Variants in IMMP2L observed in about 807,000 individuals in gnomAD.
IMMP2L encodes the protein mitochondrial inner membrane protease subunit 2.
IMMP2L carries 18 observed loss-of-function variants against 19.3 expected under a neutral mutation model. The observed-to-expected ratio is 0.93, with a 90% CI of 0.64 to 1.38. IMMP2L has a LOEUF of 1.38. Ranked by LOEUF, IMMP2L falls within the 40% of genes most tolerant of loss-of-function variation. The pLI is 0.00. For synonymous variants in IMMP2L, 76 were observed against 73.0 expected (o/e 1.04, Z -0.21); for missense variants, 233 against 218.2 (o/e 1.07, Z -0.43).
At chr7:110,928,551 C>A (rs1313165639) in intron 4 of IMMP2L, among the ~76,000 whole-genome samples, 1 of 148,402 alleles carries the variant, frequency 6.7e-6, no homozygotes, top group Admixed American at 6.7e-5. Context: ...CAGAACCTCA[C>A]AGAGACACCC....
intron 4 of IMMP2L, among the ~76,000 whole-genome samples, chr7:110,958,695 C>G (rs1364796441): frequency 6.6e-6 from 1 of 151,992 alleles, no homozygotes; most frequent in Non-Finnish European, 1.5e-5. Flanking sequence ...GGAAGGATGC[C>G]TACCCCAAAG....
intron 3 of IMMP2L, among the ~76,000 whole-genome samples, chr7:111,131,731 T>C (rs1301314781): frequency 6.6e-6 from 1 of 152,014 alleles, no homozygotes; most frequent in African/African-American, 2.4e-5. Flanking sequence ...ATGAAATTTC[T>C]TTGAGTTCAG....
chr7:111,214,622 G>A (rs1368380516), intron 3 of IMMP2L, among the ~76,000 whole-genome samples: 1 of 149,788 alleles, frequency 6.7e-6, no homozygotes, highest in Non-Finnish European at 1.5e-5. Flanking sequence ...CAAAGTGCAG[G>A]GATTACAGGT....
chr7:111,082,815 A>G (rs1795991446), intron 3 of IMMP2L, among the ~76,000 whole-genome samples: 1 of 151,278 alleles, frequency 6.6e-6, no homozygotes, highest in Non-Finnish European at 1.5e-5. Context: ...CATTTTCTGC[A>G]TCATGTCTAT....
intron 3 of IMMP2L, among the ~76,000 whole-genome samples, chr7:111,380,714 G>A (rs1424407822): frequency 6.6e-6 from 1 of 151,980 alleles, no homozygotes; most frequent in Non-Finnish European, 1.5e-5. Context: ...GAGTTTGAGA[G>A]AGAAAAATTA....
chr7:110,853,907 A>C (rs2131546379), intron 5 of IMMP2L, among the ~76,000 whole-genome samples: 1 of 152,146 alleles, frequency 6.6e-6, no homozygotes, highest in African/African-American at 2.4e-5. Flanking sequence ...TGATAGCCAA[A>C]GAAATGACAG....
At chr7:110,767,433 T>C (rs965519654) in intron 5 of IMMP2L, among the ~76,000 whole-genome samples, 6 of 152,178 alleles carry the variant, frequency 3.9e-5, no homozygotes, top group African/African-American at 1.4e-4. Flanking sequence ...ACGTTAACTC[T>C]CTCCTAGTGT....
intron 3 of IMMP2L, among the ~76,000 whole-genome samples, chr7:111,173,498 A>G (rs1292862305): frequency 1.3e-5 from 2 of 151,622 alleles, no homozygotes; most frequent in African/African-American, 4.8e-5. Flanking sequence ...AAGGAGAAAC[A>G]CTGTTATGAG....
chr7:111,159,657 T>A (rs1442814192), intron 3 of IMMP2L, among the ~76,000 whole-genome samples: 1 of 152,114 alleles, frequency 6.6e-6, no homozygotes, highest in Non-Finnish European at 1.5e-5. Flanking sequence ...TTTACCAATT[T>A]GTCATGAAGG....
At chr7:111,281,156 CAGA>C (rs1819707950) in intron 3 of IMMP2L, among the ~76,000 whole-genome samples, 4 of 67,814 alleles carry the variant, frequency 5.9e-5, no homozygotes, top group Non-Finnish European at 1.1e-4. Context: ...GACAGAAAGA[CAGA>C]AAGAAAGAAA....
intron 4 of IMMP2L, among the ~76,000 whole-genome samples, chr7:110,950,779 C>A (rs549591171): frequency 2.3e-4 from 33 of 145,484 alleles, no homozygotes; most frequent in Admixed American, 9.2e-4. Context: ...CTGTTGAGTT[C>A]TATGAGTTTG....
intron 5 of IMMP2L, among the ~76,000 whole-genome samples, chr7:110,776,391 T>A (rs1484521246): frequency 6.6e-6 from 1 of 151,720 alleles, no homozygotes; most frequent in Non-Finnish European, 1.5e-5. Flanking sequence ...TGAACGAGAG[T>A]CCAGCAGCCC....
intron 1 of IMMP2L, among the ~76,000 whole-genome samples, chr7:111,547,908 C>G (rs2133053234): frequency 6.6e-6 from 1 of 151,992 alleles, no homozygotes; most frequent in Middle Eastern, 3.4e-3. Context: ...TTTTGGGAGA[C>G]ACAGGGTTTC....
At chr7:110,887,270 T>G (rs1169821231) in intron 4 of IMMP2L, among the ~76,000 whole-genome samples, 1 of 152,090 alleles carries the variant, frequency 6.6e-6, no homozygotes, top group Non-Finnish European at 1.5e-5. Context: ...ACTAAAGTAT[T>G]CCTAAAAATG....
At chr7:111,331,867 C>T (rs1359273313) in intron 3 of IMMP2L, among the ~76,000 whole-genome samples, 1 of 151,730 alleles carries the variant, frequency 6.6e-6, no homozygotes, top group Non-Finnish European at 1.5e-5. Flanking sequence ...ATTCTGGATC[C>T]ATGAGTTCTT....
At position 111,251,129 on chromosome 7, in the gene IMMP2L, C is replaced by A. The variant is rs763345851; in HGVS notation, c.239+236109G>T. On this transcript the variant is annotated intron_variant, in intron 3 of 5. Transcript: ENST00000405709. ...TTCTCAAAAGAAGACATTCATAGAG[C>A]CAGTAAACATATGAAAAAAGCTCAA... is the stretch of plus-strand genomic sequence containing the variant. 8.2e-4 allele frequency among the ~76,000 whole-genome samples: 125 copies of A among 152,096 alleles called. 2 individuals carry two copies. The highest frequency in any genetic ancestry group is 2.1e-4 in the Non-Finnish European group (14 of 67,992).
intron 5 of IMMP2L, among the ~76,000 whole-genome samples, chr7:110,703,170 G>C (rs1439728764): frequency 6.6e-6 from 1 of 152,060 alleles, no homozygotes; most frequent in Non-Finnish European, 1.5e-5. Flanking sequence ...TTTTTCAAAT[G>C]CTTTTTCTGC....
At chr7:110,921,464 TG>T (rs1464002988) in intron 4 of IMMP2L, among the ~76,000 whole-genome samples, 1 of 152,184 alleles carries the variant, frequency 6.6e-6, no homozygotes, top group Non-Finnish European at 1.5e-5. Flanking sequence ...TAGGGATCAT[TG>T]GACATACCTC....
chr7:110,841,532 T>C (rs1805087922), intron 5 of IMMP2L, among the ~76,000 whole-genome samples: 1 of 152,142 alleles, frequency 6.6e-6, no homozygotes, highest in South Asian at 2.1e-4. Flanking sequence ...GTTTAACAAA[T>C]ATTCCCACAT....
Sources: gnomAD v4.1 joint callset for allele counts (sites outside exome capture counted in the v4.1 genomes callset) on GRCh38, gnomAD v4.1.1 for gene constraint, MANE v1.5 for transcripts, NCBI Gene and HGNC (gene_info 2026-07-23, HGNC 2026-07-21) for gene names.